Variants in SCFD2 observed in about 807,000 individuals in gnomAD.
SCFD2 encodes sec1 family domain-containing protein 2.
In SCFD2, 54 loss-of-function variants were observed where a neutral mutation model predicts 58.9. The ratio of observed to expected loss-of-function variants is 0.92; its 90% CI spans 0.74 to 1.15. The LOEUF (loss-of-function observed/expected upper bound fraction) is 1.15, where lower values mean the gene tolerates loss of function less well. Ranked by LOEUF, SCFD2 falls within the 50% of genes most tolerant of loss-of-function variation. The pLI, the probability that SCFD2 is intolerant of heterozygous loss-of-function variation, is 0.00. For synonymous variants in SCFD2, 321 were observed against 335.9 expected, an observed-to-expected ratio of 0.96 and a Z score of 0.49; for missense variants, 805 against 836.6, an observed-to-expected ratio of 0.96 and a Z score of 0.47.
At chr4:52,955,458 T>A (rs1349345113) in intron 5 of SCFD2, among the ~76,000 whole-genome samples, 1 of 152,236 alleles carries the variant, frequency 6.6e-6, no homozygotes, top group African/African-American at 2.4e-5. Context: ...GCCCTTCATG[T>A]CTTCTATAAC....
intron 4 of SCFD2, among the ~76,000 whole-genome samples, chr4:53,256,157 C>G (rs7687029): frequency 0.11 from 16,444 of 149,822 alleles, 1,004 homozygotes; most frequent in East Asian, 0.21. Context: ...AGGGGCTCCT[C>G]ACTTCTCAGA....
chr4:53,282,778 TG>T (rs1249764564), intron 3 of SCFD2, among the ~76,000 whole-genome samples: 1 of 152,336 alleles, frequency 6.6e-6, no homozygotes, highest in Non-Finnish European at 1.5e-5. Context: ...AATTGAACTC[TG>T]TTTTTTTAAT....
chr4:53,031,950 T>C (rs745583828), intron 5 of SCFD2, among the ~76,000 whole-genome samples: 2 of 152,076 alleles, frequency 1.3e-5, no homozygotes, highest in Non-Finnish European at 2.9e-5. Flanking sequence ...ACCACAAAGA[T>C]ACTCCTAGAG....
At chr4:53,238,173 C>T (rs1432430372) in intron 4 of SCFD2, among the ~76,000 whole-genome samples, 15 of 135,304 alleles carry the variant, frequency 1.1e-4, no homozygotes, top group African/African-American at 1.7e-4. Flanking sequence ...GCTGGCCGGG[C>T]GGGGGGCTGA....
chr4:53,232,983 C>T (rs1322382383), intron 4 of SCFD2, among the ~76,000 whole-genome samples: 1 of 152,134 alleles, frequency 6.6e-6, no homozygotes, highest in Non-Finnish European at 1.5e-5. Flanking sequence ...CAGGCACCCA[C>T]TAATGTTAAG....
At chr4:53,165,721 G>A (rs539617778) in intron 4 of SCFD2, among the ~76,000 whole-genome samples, 4 of 152,042 alleles carry the variant, frequency 2.6e-5, no homozygotes, top group Admixed American at 1.3e-4. Flanking sequence ...AAACACTCAC[G>A]GAGACCAGGA....
At chr4:53,054,640 AAG>A (rs1443905044) in intron 5 of SCFD2, among the ~76,000 whole-genome samples, 3 of 151,484 alleles carry the variant, frequency 2.0e-5, no homozygotes, top group Non-Finnish European at 4.4e-5. Flanking sequence ...AAAAAAAAAA[AAG>A]AGTTTTTTTT....
At chr4:52,953,314 G>C (rs1202561770) in intron 5 of SCFD2, among the ~76,000 whole-genome samples, 1 of 152,164 alleles carries the variant, frequency 6.6e-6, no homozygotes, top group Non-Finnish European at 1.5e-5. Flanking sequence ...TATAGACCTG[G>C]TGTCAGTTTA....
intron 7 of SCFD2, among the ~76,000 whole-genome samples, chr4:52,897,821 C>G (rs988791036): frequency 2.0e-5 from 3 of 152,184 alleles, no homozygotes; most frequent in African/African-American, 7.2e-5. Flanking sequence ...TAATTATTGC[C>G]TCAATTTCAC....
intron 5 of SCFD2, among the ~76,000 whole-genome samples, chr4:53,074,749 A>G (rs1433319795): frequency 1.3e-5 from 2 of 152,148 alleles, no homozygotes; most frequent in African/African-American, 4.8e-5. Flanking sequence ...GTGGTTCTCC[A>G]CAGTAGGCTT....
rs144527444 is a variant in SCFD2, at chr4:53,166,584, G to A, written c.1312-21002C>T. On this transcript the variant is annotated intron_variant, in intron 4 of 8. Coordinates refer to ENST00000401642, the MANE Select transcript of SCFD2 (RefSeq NM_152540.4). ...AAAAAAAGTGAGACAAACATAAACC[G>A]ATTCTCTAGATTAAAAATGGTAAAG... Among the ~76,000 whole-genome samples, 35 of 152,176 alleles carry A rather than the reference G, an allele frequency of 2.3e-4. 1 individual carries two copies. Among genetic ancestry groups the A allele is most frequent in the African/African-American group, 6.7e-4 (28 of 41,516 alleles).
At chr4:52,905,410 T>G (rs1297731805) in intron 7 of SCFD2, among the ~76,000 whole-genome samples, 1 of 152,200 alleles carries the variant, frequency 6.6e-6, no homozygotes, top group Non-Finnish European at 1.5e-5. Context: ...AAAATGGCTC[T>G]CCTTTGGGGG....
chr4:52,975,450 G>A (rs1473160926), intron 5 of SCFD2, among the ~76,000 whole-genome samples: 1 of 152,188 alleles, frequency 6.6e-6, no homozygotes, highest in Non-Finnish European at 1.5e-5. Context: ...GCAGAGAATT[G>A]CAAATCAAAA....
At chr4:53,288,192 T>A (rs1299786440) in intron 3 of SCFD2, among the ~76,000 whole-genome samples, 1 of 151,856 alleles carries the variant, frequency 6.6e-6, no homozygotes, top group East Asian at 1.9e-4. Context: ...TTGAAATAAA[T>A]CCATCAGAGG....
intron 8 of SCFD2, among the ~76,000 whole-genome samples, chr4:52,884,837 T>C (rs1027624428): frequency 1.3e-5 from 2 of 152,166 alleles, no homozygotes; most frequent in African/African-American, 2.4e-5. Context: ...GTGTGGTGAC[T>C]GCTCAAAAAC....
intron 5 of SCFD2, among the ~76,000 whole-genome samples, chr4:53,075,399 C>T (rs1337201822): frequency 1.3e-5 from 2 of 152,122 alleles, no homozygotes; most frequent in Non-Finnish European, 2.9e-5. Context: ...GTGTGTTCAC[C>T]GGAGGAGCAC....
At chr4:53,068,265 G>A (rs1723720056) in intron 5 of SCFD2, among the ~76,000 whole-genome samples, 1 of 152,080 alleles carries the variant, frequency 6.6e-6, no homozygotes, top group African/African-American at 2.4e-5. Flanking sequence ...TTTCTAAAGA[G>A]TCTGTTTAAA....
At chr4:52,970,690 C>A (rs147034655) in intron 5 of SCFD2, among the ~76,000 whole-genome samples, 1 of 152,184 alleles carries the variant, frequency 6.6e-6, no homozygotes, top group Admixed American at 6.5e-5. Context: ...AGCACGCAGC[C>A]GGAAATATGA....
At chr4:53,144,865 G>T (rs1047885889) in intron 5 of SCFD2, among the ~76,000 whole-genome samples, 4 of 152,052 alleles carry the variant, frequency 2.6e-5, no homozygotes, top group African/African-American at 9.7e-5. Flanking sequence ...ATAGGCCAGG[G>T]GTCGCCAACC....
Sources: gnomAD v4.1 joint callset for allele counts (sites outside exome capture counted in the v4.1 genomes callset) on GRCh38, gnomAD v4.1.1 for gene constraint, MANE v1.5 for transcripts, NCBI Gene and HGNC (gene_info 2026-07-23, HGNC 2026-07-21) for gene names.